TRAIP: variants seen among roughly 807,000 people sequenced by gnomAD.
TRAIP encodes E3 ubiquitin-protein ligase TRAIP.
A neutral mutation model predicts 65.0 loss-of-function variants in TRAIP; 37 were observed. That is an observed-to-expected ratio of 0.57 (90% CI 0.44 to 0.75). The LOEUF is 0.75. TRAIP is among the 30% of genes least tolerant of loss of function. The pLI is 0.00. For missense variants in TRAIP, 481 were observed against 579.4 expected, an observed-to-expected ratio of 0.83 and a Z score of 1.74; for synonymous variants, 187 against 219.1, an observed-to-expected ratio of 0.85 and a Z score of 1.29.
intron 1 of TRAIP, among the ~76,000 whole-genome samples, chr3:49,854,468 T>C (rs1002426228): frequency 2.6e-5 from 4 of 152,178 alleles, no homozygotes; most frequent in African/African-American, 4.8e-5. Context: ...AACCTTGAAA[T>C]TGGTAAGTTA....
intron 1 of TRAIP, among the ~76,000 whole-genome samples, chr3:49,850,080 C>T (rs1330885099): frequency 6.6e-6 from 1 of 151,970 alleles, no homozygotes; most frequent in East Asian, 1.9e-4. Flanking sequence ...CAGTGGAATA[C>T]TACACAGCAA....
In TRAIP at chr3:49,847,551, TCTC is replaced by T. The variant is rs768662114; in HGVS notation, c.211_213del (p.Glu71del). 2.5e-6 allele frequency: 4 copies of T among 1,612,102 alleles called. No homozygotes were observed. Among genetic ancestry groups the T allele is most frequent in the South Asian group, 2.2e-5 (2 of 90,636 alleles). On this transcript the variant is annotated inframe_deletion, in exon 3 of 15. Transcript: ENST00000331456. ...TTTAAGAATTCTGCATCCAAGACAT[TCTC>T]CTCCTCCTGGGCAAGATCAAAGAAG...
Position 49,856,465 on chromosome 3 carries a change from T to C in TRAIP, c.-12A>G. ...GCACGGATAGGCATGATGGCTGGAC[T>C]CAAGGGGCCCAGGCAGCCAAAGAAA... On this transcript the variant is annotated 5_prime_UTR_variant, in exon 1 of 15. Transcript: ENST00000331456. 1 of 1,611,056 alleles carries C rather than the reference T, an allele frequency of 6.2e-7. No individual in the cohort carries two copies. The highest frequency in any genetic ancestry group is 8.5e-7 in the Non-Finnish European group (1 of 1,178,158).
At chr3:49,848,092 T>C in intron 2 of TRAIP, 51 bp downstream of exon 2, 2 of 1,599,956 alleles carry the variant, frequency 1.3e-6, no homozygotes, top group Non-Finnish European at 8.6e-7. Context: ...ATTCCTGCTC[T>C]CTGCTAAGGA....
chr3:49,840,469 G>A, intron 8 of TRAIP, 96 bp from the exon 9 acceptor site: 3 of 993,504 alleles, frequency 3.0e-6, no homozygotes, highest in South Asian at 2.7e-5. Flanking sequence ...AGGTAGCCCA[G>A]AAGAGACTAG....
Position 49,829,524 on chromosome 3 carries a change from G to A in TRAIP, c.1237-16C>T. The stretch of plus-strand genomic sequence containing the variant: ...CTGTCCTTACCTAGGGTGGAAGGAA[G>A]AGATGAGTGGGCCAGGCTAATGGGC... On this transcript the variant is annotated splice_polypyrimidine_tract_variant and intron_variant, in intron 13 of 14. Coordinates refer to ENST00000331456, the MANE Select transcript of TRAIP (RefSeq NM_005879.3). 1 of 1,614,158 alleles carries A rather than the reference G, an allele frequency of 6.2e-7. No individual in the cohort carries two copies. Among genetic ancestry groups the A allele is most frequent in the Non-Finnish European group, 8.5e-7 (1 of 1,180,038 alleles).
chr3:49,853,255 T>C (rs1003460689), intron 1 of TRAIP, among the ~76,000 whole-genome samples: 10 of 152,108 alleles, frequency 6.6e-5, no homozygotes, highest in Non-Finnish European at 1.2e-4. Flanking sequence ...CAAAGTATGC[T>C]TAAAGGAGTA....
chr3:49,853,334 G>T (rs1214509397), intron 1 of TRAIP, among the ~76,000 whole-genome samples: 2 of 152,008 alleles, frequency 1.3e-5, no homozygotes, highest in Non-Finnish European at 2.9e-5. Flanking sequence ...GCCGAGTGTG[G>T]TGGCTCACAC....
intron 10 of TRAIP, among the ~76,000 whole-genome samples, chr3:49,839,420 C>T (rs1345637818): frequency 6.6e-6 from 1 of 152,142 alleles, no homozygotes; most frequent in Non-Finnish European, 1.5e-5. Context: ...GCACGCACTC[C>T]TGGCACTAAG....
chr3:49,839,382 C>T (rs913005958), intron 10 of TRAIP, among the ~76,000 whole-genome samples: 3 of 152,086 alleles, frequency 2.0e-5, no homozygotes, highest in Non-Finnish European at 4.4e-5. Flanking sequence ...CCTTCTGCCT[C>T]GTGGCTCCCT....
intron 10 of TRAIP, among the ~76,000 whole-genome samples, chr3:49,832,407 T>A (rs906060266): frequency 2.0e-5 from 3 of 150,924 alleles, no homozygotes; most frequent in Non-Finnish European, 4.4e-5. Flanking sequence ...GGAGAATTGC[T>A]TGAACTCGGG....
intron 7 of TRAIP, among the ~76,000 whole-genome samples, 173 bp from the exon 8 acceptor site, chr3:49,841,245 T>C (rs1416710114): frequency 6.6e-6 from 1 of 152,196 alleles, no homozygotes; most frequent in East Asian, 1.9e-4. Context: ...CTGCAGAGAA[T>C]GCAAGGAAGT....
chr3:49,829,796 A>G, intron 12 of TRAIP, 30 bp from the exon 13 acceptor site: 1 of 1,612,866 alleles, frequency 6.2e-7, no homozygotes, highest in East Asian at 2.2e-5. Flanking sequence ...GCCAGACTTG[A>G]TGAGCTGGAT....
In TRAIP at chr3:49,840,301, C is replaced by A; in HGVS notation, c.778G>T (p.Ala260Ser). ...TCCCTCACCATGATTTCCTTGTCAG[C>A]ACTCTGTAAGTCCTTCTGGGCTGAC... ...LKSAQKDLQS[A>S]DKEIMSLKKK... The change falls in exon 9 of 15, where the codon GCT becomes TCT. Residue 260 changes from alanine to serine, a missense_variant. Physicochemically the swap from Ala to Ser is moderately conservative, Grantham distance 99 (BLOSUM62 1). Transcript: ENST00000331456. 2 of 1,614,134 alleles carry A rather than the reference C, an allele frequency of 1.2e-6. No homozygotes were observed. Among genetic ancestry groups the A allele is most frequent in the Non-Finnish European group, 1.7e-6 (2 of 1,179,934 alleles).
intron 10 of TRAIP, among the ~76,000 whole-genome samples, chr3:49,837,905 C>T (rs934323967): frequency 6.9e-6 from 1 of 144,216 alleles, no homozygotes; most frequent in East Asian, 2.1e-4. Flanking sequence ...CCAAGAGAGA[C>T]GGGGTCTTAC....
chr3:49,840,747 G>GGGGA (rs1230316748), intron 8 of TRAIP, among the ~76,000 whole-genome samples: 1 of 152,230 alleles, frequency 6.6e-6, no homozygotes, highest in Non-Finnish European at 1.5e-5. Flanking sequence ...GAAGAGCAGA[G>GGGGA]GGGAGCATCA....
intron 1 of TRAIP, among the ~76,000 whole-genome samples, chr3:49,848,912 T>C (rs1455710472): frequency 1.1e-4 from 17 of 151,804 alleles, no homozygotes; most frequent in Non-Finnish European, 2.5e-4. Context: ...AGTGGCACGA[T>C]CTTGGTTCAC....
chr3:49,848,559 T>C (rs1376100874), intron 1 of TRAIP, among the ~76,000 whole-genome samples: 2 of 152,130 alleles, frequency 1.3e-5, no homozygotes, highest in African/African-American at 2.4e-5. Context: ...AGACTACACT[T>C]TCAAGGTAAG....
At chr3:49,854,281 T>C (rs2081954819) in intron 1 of TRAIP, among the ~76,000 whole-genome samples, 3 of 152,188 alleles carry the variant, frequency 2.0e-5, no homozygotes, top group Non-Finnish European at 4.4e-5. Flanking sequence ...GCAGAGATTG[T>C]ACCACTGCAG....
Sources: gnomAD v4.1 joint callset for allele counts (sites outside exome capture counted in the v4.1 genomes callset) on GRCh38, gnomAD v4.1.1 for gene constraint, MANE v1.5 for transcripts, NCBI Gene and HGNC (gene_info 2026-07-23, HGNC 2026-07-21) for gene names.